VPS13C: variants seen among roughly 807,000 people sequenced by gnomAD.
The protein encoded by VPS13C is intermembrane lipid transfer protein VPS13C.
Under a neutral mutation model 456.8 loss-of-function variants are expected in VPS13C, and 358 were observed. That is an observed-to-expected ratio of 0.78 (90% CI 0.72 to 0.86). VPS13C has a LOEUF of 0.86. VPS13C is among the 40% of genes least tolerant of loss of function. The probability of loss-of-function intolerance (pLI) is 0.00; values close to 1 mark genes in which losing one functional copy is unlikely to be tolerated. For synonymous variants in VPS13C, 1,578 were observed against 1,486.7 expected (o/e 1.06, Z -1.41); for missense variants, 4,818 against 4,385.4 (o/e 1.10, Z -2.79).
intron 29 of VPS13C, 52 bp downstream of exon 29, chr15:61,967,316 G>A (rs878957184): frequency 4.7e-5 from 68 of 1,460,648 alleles, no homozygotes; most frequent in South Asian, 5.9e-5. Flanking sequence ...CTTCCTTCCA[G>A]AGAAATAGTT....
Position 61,931,112 on chromosome 15 carries a change from C to G in VPS13C, c.6016G>C (p.Gly2006Arg). ...KTCTLDDLRE[G>R]IERATSRMID... The stretch of plus-strand genomic sequence containing the variant: ...AACCTCGATGTTGCTCTCTCAATTC[C>G]TTCTCTGAGATCATCAAGGGTGCAT... The change falls in exon 50 of 85, where the codon GGA becomes CGA. Residue 2006 changes from glycine (G) to arginine (R), a missense_variant. Coordinates refer to ENST00000644861, the MANE Select transcript of VPS13C (RefSeq NM_020821.3). 1 of 1,614,042 alleles carries G rather than the reference C, an allele frequency of 6.2e-7. No individual in the cohort carries two copies. The highest frequency in any genetic ancestry group is 1.7e-5 in the Admixed American group (1 of 60,014).
At chr15:62,049,794 G>C (rs550648537) in intron 1 of VPS13C, among the ~76,000 whole-genome samples, 1 of 152,232 alleles carries the variant, frequency 6.6e-6, no homozygotes, top group Admixed American at 6.5e-5. Flanking sequence ...GTGGTTTGTA[G>C]TTCTCCTTGA....
intron 9 of VPS13C, among the ~76,000 whole-genome samples, chr15:62,016,348 T>C (rs1164977788): frequency 2.0e-5 from 3 of 151,940 alleles, no homozygotes; most frequent in African/African-American, 7.2e-5. Context: ...TGTATACATG[T>C]GCCATGCTGG....
chr15:61,991,606 A>C (rs1483996522), intron 17 of VPS13C, 67 bp downstream of exon 17: 1 of 1,487,010 alleles, frequency 6.7e-7, no homozygotes, highest in Non-Finnish European at 9.0e-7. Context: ...TCAACAGGGA[A>C]GATATAATTT....
intron 16 of VPS13C, among the ~76,000 whole-genome samples, chr15:61,999,359 A>G (rs1425798630): frequency 6.6e-6 from 1 of 151,622 alleles, no homozygotes; most frequent in African/African-American, 2.4e-5. Flanking sequence ...CAGCCTGGAC[A>G]ACAGAGCAAG....
intron 37 of VPS13C, 118 bp downstream of exon 37, chr15:61,958,490 G>A (rs908270371): frequency 6.2e-5 from 38 of 615,592 alleles, no homozygotes; most frequent in African/African-American, 2.2e-4. Context: ...TTGTTTACTC[G>A]GTAATACAAA....
chr15:61,908,946 C>T, intron 65 of VPS13C, 46 bp downstream of exon 65: 1 of 1,597,406 alleles, frequency 6.3e-7, no homozygotes, highest in Non-Finnish European at 8.5e-7. Flanking sequence ...CCATTAGTTA[C>T]TATGAACCAA....
chr15:61,880,035 G>GATAA (rs1895731926), intron 73 of VPS13C, among the ~76,000 whole-genome samples: 2 of 152,082 alleles, frequency 1.3e-5, no homozygotes, highest in Admixed American at 6.6e-5. Flanking sequence ...CATTATGGTT[G>GATAA]ATAGCATTTG....
chr15:61,993,712 C>A (rs2046293834), intron 16 of VPS13C, among the ~76,000 whole-genome samples: 1 of 151,986 alleles, frequency 6.6e-6, no homozygotes, highest in South Asian at 2.1e-4. Context: ...AATGAAGTAA[C>A]AAAGAACAGT....
intron 15 of VPS13C, among the ~76,000 whole-genome samples, chr15:62,006,506 G>A (rs2046852775): frequency 6.6e-6 from 1 of 152,126 alleles, no homozygotes; most frequent in Non-Finnish European, 1.5e-5. Flanking sequence ...GTCTATCGTT[G>A]TTGGACATTT....
chr15:61,876,481 T>C (rs558165426), intron 75 of VPS13C, among the ~76,000 whole-genome samples: 27 of 152,006 alleles, frequency 1.8e-4, no homozygotes, highest in African/African-American at 6.5e-4. Context: ...TGTCTGTATA[T>C]GTAATAGGAG....
intron 5 of VPS13C, among the ~76,000 whole-genome samples, chr15:62,031,449 T>C (rs2047817861): frequency 6.6e-6 from 1 of 152,010 alleles, no homozygotes; most frequent in African/African-American, 2.4e-5. Flanking sequence ...ACATGAATAA[T>C]ATTATTTGAA....
At chr15:62,060,192 G>A (rs984272490) in intron 1 of VPS13C, 83 bp downstream of exon 1, 1 of 733,336 alleles carries the variant, frequency 1.4e-6, no homozygotes, top group African/African-American at 1.9e-5. Flanking sequence ...GCAGGGAGCA[G>A]GGCCCGGGCA....
chr15:61,911,665 CA>C (rs2043305248), intron 63 of VPS13C, among the ~76,000 whole-genome samples, 174 bp downstream of exon 63: 1 of 152,102 alleles, frequency 6.6e-6, no homozygotes, highest in African/African-American at 2.4e-5. Flanking sequence ...AGTGTATTAT[CA>C]AAACTTTTCT....
At chr15:61,951,438 G>A (rs1455478705) in intron 39 of VPS13C, among the ~76,000 whole-genome samples, 1 of 151,984 alleles carries the variant, frequency 6.6e-6, no homozygotes, top group Non-Finnish European at 1.5e-5. Context: ...AACTTAAAAG[G>A]TCAAGGATAC....
intron 47 of VPS13C, among the ~76,000 whole-genome samples, chr15:61,937,763 T>C (rs1347043217): frequency 1.3e-5 from 2 of 152,122 alleles, no homozygotes; most frequent in Non-Finnish European, 1.5e-5. Flanking sequence ...CGTGATCAAG[T>C]TTCTTAATCT....
chr15:62,060,329 C>T lies in VPS13C; in HGVS notation c.46G>A (p.Gly16Arg). 1.2e-6 allele frequency: 2 copies of T among 1,607,338 alleles called. No homozygotes were observed. Among genetic ancestry groups the T allele is most frequent in the South Asian group, 2.2e-5 (2 of 89,930 alleles). ...TTGTTCAGGTTCTCCACATAGTCCC[C>T]CAGGAAGCGGTTCAGCAAGTCCGCG... ...VVADLLNRFL[G>R]DYVENLNKSQ... The change falls in exon 1 of 85, where the codon GGG (glycine) becomes AGG (arginine). Residue 16 changes from glycine to arginine, a missense_variant. By Grantham distance (125) the Gly-to-Arg change is moderately radical (BLOSUM62 -2). Around this residue, in one of 3 missense-constraint regions of VPS13C, gnomAD observed 4,552 missense variants for 4,130.6 expected, o/e 1.10. Coordinates refer to ENST00000644861, the MANE Select transcript of VPS13C (RefSeq NM_020821.3).
intron 46 of VPS13C, among the ~76,000 whole-genome samples, chr15:61,941,518 T>C (rs989519458): frequency 1.3e-5 from 2 of 152,168 alleles, no homozygotes; most frequent in Non-Finnish European, 2.9e-5. Context: ...ACTATAATTT[T>C]ATAATAGCTA....
In VPS13C at chr15:61,853,509, T is replaced by C. The variant is rs996025523; in HGVS notation, c.*948A>G. On this transcript the variant is annotated 3_prime_UTR_variant, in exon 85 of 85. Transcript: ENST00000644861. Reference sequence around the variant, plus strand: ...GAGTGTAGCTATTTTAAGGTTTGATTGTCCAGATTTTTTTATTAGACTGCA... The same window carrying C: ...GAGTGTAGCTATTTTAAGGTTTGATCGTCCAGATTTTTTTATTAGACTGCA... 1 of 152,180 alleles carries C rather than the reference T, an allele frequency of 6.6e-6. No homozygotes were observed. The highest frequency in any genetic ancestry group is 1.5e-5 in the Non-Finnish European group (1 of 68,028). The allele number at this position is 152,180 out of a possible 1,614,324, so 9.4% of individuals were successfully genotyped here. A position where few individuals can be genotyped will look rare whatever the true frequency, so the allele number is the denominator to read the frequency against.
Sources: allele counts gnomAD v4.1 joint callset (sites outside exome capture counted in the v4.1 genomes callset), GRCh38; gene constraint gnomAD v4.1.1; regional missense constraint gnomAD v4.1.1; transcripts MANE v1.5; gene names NCBI Gene and HGNC (gene_info 2026-07-23, HGNC 2026-07-21).